The following NCOA2 variants were observed in gnomAD, a reference collection of about 807,000 sequenced individuals.
The protein encoded by NCOA2 is class E basic helix-loop-helix protein 75.
In NCOA2, 21 loss-of-function variants were observed where a neutral mutation model predicts 145.1. That is an observed-to-expected ratio of 0.14 (90% confidence interval 0.10 to 0.21). NCOA2 has a LOEUF of 0.21. NCOA2 is among the 10% of genes least tolerant of loss of function. The pLI, the probability that NCOA2 is intolerant of heterozygous loss-of-function variation, is 1.00. For synonymous variants in NCOA2, 619 were observed against 637.5 expected, an observed-to-expected ratio of 0.97 and a Z score of 0.44; for missense variants, 1,472 against 1,837.6, an observed-to-expected ratio of 0.80 and a Z score of 3.64.
intron 2 of NCOA2, among the ~76,000 whole-genome samples, chr8:70,224,709 G>C (rs917974827): frequency 6.6e-6 from 1 of 151,800 alleles, no homozygotes; most frequent in Non-Finnish European, 1.5e-5. Context: ...TTGAGTCTTA[G>C]TTTTCACAGA....
At chr8:70,420,428 G>T in the NCOA2 span, among the ~76,000 whole-genome samples, 1 of 152,278 alleles carries the variant, frequency 6.6e-6, no homozygotes, top group Non-Finnish European at 1.5e-5. Flanking sequence ...CCAACCCCAG[G>T]TGAGTCTAAT....
At chr8:70,206,958 T>TTA in intron 4 of NCOA2, among the ~76,000 whole-genome samples, 1 of 152,336 alleles carries the variant, frequency 6.6e-6, no homozygotes, top group South Asian at 2.1e-4. Flanking sequence ...ACAGGCTTCT[T>TTA]TAATAATCAC....
chr8:70,225,886 C>T (rs958840351), intron 2 of NCOA2, among the ~76,000 whole-genome samples: 3 of 152,146 alleles, frequency 2.0e-5, no homozygotes, highest in African/African-American at 7.2e-5. Flanking sequence ...CTCTTTGGAG[C>T]TTTGTTTCTT....
At position 70,300,944 on chromosome 8, in the gene NCOA2, C is replaced by T. The variant is rs562199216; in HGVS notation, c.-76-4144G>A. 2.6e-5 allele frequency among the ~76,000 whole-genome samples: 4 copies of T among 152,250 alleles called. No homozygotes were observed. The East Asian group carries it at 7.7e-4, about 29-fold the overall frequency. ...GTAGGCCCTGCTACTATCATGTCCACCTTATAGATACAGAAACCTAACTGG... is the reference window on the plus strand; with the variant it reads ...GTAGGCCCTGCTACTATCATGTCCATCTTATAGATACAGAAACCTAACTGG... On this transcript the variant is annotated intron_variant, in intron 1 of 22. Coordinates refer to ENST00000452400, the MANE Select transcript of NCOA2 (RefSeq NM_006540.4).
At chr8:70,439,326 C>T in the NCOA2 span, among the ~76,000 whole-genome samples, 11 of 152,178 alleles carry the variant, frequency 7.2e-5, no homozygotes, top group Admixed American at 5.9e-4. Flanking sequence ...CAAAGTGTAG[C>T]GGTAGCATTC....
At chr8:70,437,733 T>C in the NCOA2 span, among the ~76,000 whole-genome samples, 3 of 152,120 alleles carry the variant, frequency 2.0e-5, no homozygotes, top group African/African-American at 7.2e-5. Flanking sequence ...CCTGTAAGCA[T>C]CAGTGAAGAA....
intron 2 of NCOA2, among the ~76,000 whole-genome samples, chr8:70,272,554 T>C (rs1186509348): frequency 6.6e-6 from 1 of 152,214 alleles, no homozygotes; most frequent in Non-Finnish European, 1.5e-5. Flanking sequence ...CTGATTGGTC[T>C]GAAATTCCTT....
At chr8:70,202,008 T>C (rs574668870) in intron 4 of NCOA2, among the ~76,000 whole-genome samples, 1 of 152,352 alleles carries the variant, frequency 6.6e-6, no homozygotes, top group Non-Finnish European at 1.5e-5. Context: ...ATTATGATAC[T>C]TGACTATAGA....
At chr8:70,266,597 T>C (rs1157362161) in intron 2 of NCOA2, among the ~76,000 whole-genome samples, 1 of 152,152 alleles carries the variant, frequency 6.6e-6, no homozygotes, top group East Asian at 1.9e-4. Context: ...TCATCCTGTG[T>C]CTCCTGTTTG....
intron 1 of NCOA2, among the ~76,000 whole-genome samples, chr8:70,297,330 A>T (rs886796602): frequency 2.6e-5 from 4 of 151,818 alleles, no homozygotes; most frequent in Admixed American, 2.0e-4. Context: ...CTCAAGAATT[A>T]TCTTTTATTT....
At chr8:70,403,654 C>T (rs1814603045) in intron 1 of NCOA2, 46 bp downstream of exon 1, 2 of 363,944 alleles carry the variant, frequency 5.5e-6, no homozygotes, top group Non-Finnish European at 9.8e-6. Context: ...CCGCCTGCCG[C>T]CCGCCCCCCG....
upstream of NCOA2, among the ~76,000 whole-genome samples, chr8:70,406,010 C>T (rs1814772295): frequency 6.6e-6 from 1 of 152,154 alleles, no homozygotes; most frequent in Non-Finnish European, 1.5e-5. Flanking sequence ...TCTGGGTGCC[C>T]TCTGAACTTC....
In NCOA2 at chr8:70,360,659, C is replaced by T. The variant is rs77084173; in HGVS notation, c.-77+43041G>A. Among the ~76,000 whole-genome samples the T allele has an allele frequency of 5.3e-5, 8 of 152,064 alleles. No individual in the cohort carries two copies. In the South Asian group the frequency reaches 8.3e-4, roughly 16 times the overall value. On this transcript the variant is annotated intron_variant, in intron 1 of 22. Transcript: ENST00000452400. ...GTCATTTAAAATGTTATTTGTAGGCCGGGTGCGGTGGCTCATGATTGTAAT... is the reference window on the plus strand; with the variant it reads ...GTCATTTAAAATGTTATTTGTAGGCTGGGTGCGGTGGCTCATGATTGTAAT...
intron 15 of NCOA2, 66 bp from the exon 16 acceptor site, chr8:70,132,068 A>G: frequency 1.3e-6 from 2 of 1,486,472 alleles, no homozygotes; most frequent in South Asian, 1.3e-5. Flanking sequence ...CAAATTCTTT[A>G]TCTCAAAGGT....
At chr8:70,425,496 C>T in the NCOA2 span, among the ~76,000 whole-genome samples, 5 of 152,086 alleles carry the variant, frequency 3.3e-5, no homozygotes, top group African/African-American at 9.7e-5. Flanking sequence ...TGTTCCCTGC[C>T]CCATTCCTCT....
At chr8:70,317,027 C>T (rs1174604476) in intron 1 of NCOA2, among the ~76,000 whole-genome samples, 1 of 152,138 alleles carries the variant, frequency 6.6e-6, no homozygotes, top group African/African-American at 2.4e-5. Context: ...GGCTTTTGAA[C>T]TCAGGGTTAG....
At chr8:70,258,369 C>T (rs2926701) in intron 2 of NCOA2, among the ~76,000 whole-genome samples, 115,785 of 152,156 alleles carry the variant, frequency 0.76, 45,160 homozygotes, top group Non-Finnish European at 0.84. Flanking sequence ...TTAGCTACTA[C>T]CGTGCCCAAC....
intron 2 of NCOA2, among the ~76,000 whole-genome samples, chr8:70,280,844 A>G (rs1215581104): frequency 2.0e-5 from 3 of 152,042 alleles, no homozygotes; most frequent in Non-Finnish European, 4.4e-5. Flanking sequence ...TCTTTTTCCA[A>G]AAGAATGACT....
chr8:70,400,271 CTGTT>C (rs1477885812), intron 1 of NCOA2, among the ~76,000 whole-genome samples: 1 of 152,186 alleles, frequency 6.6e-6, no homozygotes, highest in Non-Finnish European at 1.5e-5. Context: ...AAGAACTCCT[CTGTT>C]TAAGACTGAA....
Sources: gnomAD v4.1 joint callset for allele counts (sites outside exome capture counted in the v4.1 genomes callset) on GRCh38, gnomAD v4.1.1 for gene constraint, MANE v1.5 for transcripts, NCBI Gene and HGNC (gene_info 2026-07-23, HGNC 2026-07-21) for gene names.